The following PACRG variants were observed in gnomAD, a reference collection of about 807,000 sequenced individuals.
The protein encoded by PACRG is parkin coregulated gene protein.
Under a neutral mutation model 29.7 loss-of-function variants are expected in PACRG, and 29 were observed. The observed-to-expected ratio is 0.98, with a 90% CI of 0.73 to 1.33. PACRG has a LOEUF of 1.33. Among genes scored for constraint, PACRG ranks in the 40% most tolerant of loss-of-function variants. The pLI, the probability that PACRG is intolerant of heterozygous loss-of-function variation, is 0.00. For missense variants in PACRG, 279 were observed against 316.2 expected, an observed-to-expected ratio of 0.88 and a Z score of 0.89; for synonymous variants, 116 against 118.7, an observed-to-expected ratio of 0.98 and a Z score of 0.15.
intron 4 of PACRG, among the ~76,000 whole-genome samples, chr6:163,237,688 C>T (rs1372261083): frequency 6.6e-6 from 1 of 152,158 alleles, no homozygotes; most frequent in Non-Finnish European, 1.5e-5. Context: ...AATTGAAGCA[C>T]CATAAATTAC....
At chr6:163,279,442 G>A (rs1784155226) in intron 4 of PACRG, among the ~76,000 whole-genome samples, 1 of 152,036 alleles carries the variant, frequency 6.6e-6, no homozygotes, top group Non-Finnish European at 1.5e-5. Context: ...CTAATTTCTA[G>A]TATCTATCTG....
At chr6:163,194,607 G>A (rs1780364488) in intron 4 of PACRG, among the ~76,000 whole-genome samples, 1 of 152,190 alleles carries the variant, frequency 6.6e-6, no homozygotes. Flanking sequence ...TGCAGCCGGG[G>A]TGTCCGAGGT....
At chr6:162,856,126 A>G (rs904062143) in intron 2 of PACRG, among the ~76,000 whole-genome samples, 1 of 152,092 alleles carries the variant, frequency 6.6e-6, no homozygotes, top group Non-Finnish European at 1.5e-5. Context: ...GTGTGATTAC[A>G]GCTCAATGCG....
At chr6:162,935,517 A>G (rs575974417) in intron 2 of PACRG, among the ~76,000 whole-genome samples, 6 of 146,444 alleles carry the variant, frequency 4.1e-5, no homozygotes, top group African/African-American at 1.5e-4. Flanking sequence ...TATTTCCCTC[A>G]TTATATGTTT....
At chr6:162,946,799 C>T (rs752024863) in intron 2 of PACRG, among the ~76,000 whole-genome samples, 4 of 151,942 alleles carry the variant, frequency 2.6e-5, no homozygotes, top group African/African-American at 4.8e-5. Flanking sequence ...GGATTTATCC[C>T]GGGGATGAAA....
intron 2 of PACRG, among the ~76,000 whole-genome samples, chr6:162,896,392 C>T (rs1795166276): frequency 6.6e-6 from 1 of 152,182 alleles, no homozygotes; most frequent in African/African-American, 2.4e-5. Flanking sequence ...ACTGTGCTGA[C>T]TTACCAGGAG....
At chr6:162,823,516 C>CTTT (rs545819014) in intron 2 of PACRG, among the ~76,000 whole-genome samples, 2 of 142,780 alleles carry the variant, frequency 1.4e-5, no homozygotes, top group African/African-American at 5.1e-5. Flanking sequence ...CTTTTCTCTT[C>CTTT]TTTTTTTTTT....
At chr6:163,278,042 G>C (rs1784109228) in intron 4 of PACRG, among the ~76,000 whole-genome samples, 1 of 152,044 alleles carries the variant, frequency 6.6e-6, no homozygotes, top group Admixed American at 6.6e-5. Flanking sequence ...GCAGGAGTGA[G>C]GTGGTATTGC....
rs368348805 is a variant in PACRG at position 163,079,793 on chromosome 6, A to AT, written c.464-9464dup. 3.9e-4 allele frequency among the ~76,000 whole-genome samples: 59 copies of AT among 150,410 alleles called. 1 individual carries two copies. The highest frequency in any genetic ancestry group is 1.4e-3 in the African/African-American group (56 of 40,880). On this transcript the variant is annotated intron_variant, in intron 3 of 4. Coordinates refer to ENST00000366888, the MANE Select transcript of PACRG (RefSeq NM_001080379.2). ...CTTGTTTTGTGAAGAGCCTGTGCAC[A>AT]TTGTATCTTTCTTTACACTCCACTG...
chr6:162,761,178 T>C (rs1782328052), intron 1 of PACRG, among the ~76,000 whole-genome samples: 1 of 152,106 alleles, frequency 6.6e-6, no homozygotes, highest in Non-Finnish European at 1.5e-5. Flanking sequence ...AAACTCAGAT[T>C]CCTCTGTTTA....
chr6:162,915,613 T>A (rs937725330), intron 2 of PACRG, among the ~76,000 whole-genome samples: 2 of 152,090 alleles, frequency 1.3e-5, no homozygotes, highest in Admixed American at 1.3e-4. Context: ...CCTCTCTCTG[T>A]CTCTCTTTCC....
intron 4 of PACRG, among the ~76,000 whole-genome samples, chr6:163,243,375 C>T (rs1004525882): frequency 2.0e-5 from 3 of 152,194 alleles, no homozygotes; most frequent in South Asian, 2.1e-4. Flanking sequence ...TGAATGTTCA[C>T]GTACACTCTG....
chr6:162,735,693 T>C (rs1780114497), intron 1 of PACRG, among the ~76,000 whole-genome samples: 4 of 152,310 alleles, frequency 2.6e-5, no homozygotes, highest in African/African-American at 9.6e-5. Context: ...ACCCACTCTG[T>C]GAGTTTCCTT....
intron 1 of PACRG, among the ~76,000 whole-genome samples, chr6:162,798,834 G>A (rs1235242625): frequency 6.6e-6 from 1 of 152,064 alleles, no homozygotes; most frequent in East Asian, 1.9e-4. Flanking sequence ...GAGTCAGATT[G>A]TGTGTGTGTG....
chr6:162,962,379 C>T (rs769153216), intron 2 of PACRG, among the ~76,000 whole-genome samples: 10 of 152,216 alleles, frequency 6.6e-5, no homozygotes, highest in Non-Finnish European at 1.3e-4. Flanking sequence ...GTTGACTCCA[C>T]TGTTTCCTCT....
At chr6:163,283,224 G>A (rs1285214637) in intron 4 of PACRG, among the ~76,000 whole-genome samples, 1 of 152,194 alleles carries the variant, frequency 6.6e-6, no homozygotes, top group African/African-American at 2.4e-5. Context: ...TCCTGACTCT[G>A]GTTGGTGGCA....
At chr6:162,962,045 G>T (rs144131031) in intron 2 of PACRG, among the ~76,000 whole-genome samples, 1 of 151,976 alleles carries the variant, frequency 6.6e-6, no homozygotes, top group East Asian at 1.9e-4. Flanking sequence ...TTTTTCTCTA[G>T]TGTGTGTGAT....
chr6:163,228,727 T>C (rs1208285358), intron 4 of PACRG, among the ~76,000 whole-genome samples: 1 of 152,190 alleles, frequency 6.6e-6, no homozygotes, highest in African/African-American at 2.4e-5. Context: ...AAAGAAACCT[T>C]TATAAATTGG....
At position 163,140,033 on chromosome 6, in the gene PACRG, T is replaced by A. The variant is rs138929607; in HGVS notation, c.613+50625T>A. Among the ~76,000 whole-genome samples the A allele has an allele frequency of 6.5e-3, 996 of 152,262 alleles. 17 individuals are homozygous for A. Among genetic ancestry groups the A allele is most frequent in the African/African-American group, 0.022 (928 of 41,544 alleles). Reference sequence around the variant, plus strand: ...ATCCTCTCCTTGAAGCTTTCCCCAGTCAACCCAGCCCAGGCTGGTCTCTCC... The same window carrying A: ...ATCCTCTCCTTGAAGCTTTCCCCAGACAACCCAGCCCAGGCTGGTCTCTCC... On this transcript the variant is annotated intron_variant, in intron 4 of 4. Coordinates refer to ENST00000366888, the MANE Select transcript of PACRG (RefSeq NM_001080379.2).
Sources: allele counts gnomAD v4.1 joint callset (sites outside exome capture counted in the v4.1 genomes callset), GRCh38; gene constraint gnomAD v4.1.1; transcripts MANE v1.5; gene names NCBI Gene and HGNC (gene_info 2026-07-23, HGNC 2026-07-21).